Variants in WDR49 observed in about 807,000 individuals in gnomAD.
WDR49 encodes cilia- and flagella-associated protein 337.
Under a neutral mutation model 119.5 loss-of-function variants are expected in WDR49, and 107 were observed. That is an observed-to-expected ratio of 0.90 (90% CI 0.77 to 1.05). The LOEUF (loss-of-function observed/expected upper bound fraction) is 1.05. WDR49 is among the 50% of genes least tolerant of loss of function. WDR49 has a pLI of 0.00. For synonymous variants in WDR49, 425 were observed against 418.8 expected, an observed-to-expected ratio of 1.01 and a Z score of -0.18; for missense variants, 1,240 against 1,220.5, an observed-to-expected ratio of 1.02 and a Z score of -0.24.
chr3:167,630,658 A>G (rs529697919), intron 2 of WDR49, among the ~76,000 whole-genome samples: 1 of 152,218 alleles, frequency 6.6e-6, no homozygotes, highest in Non-Finnish European at 1.5e-5. Flanking sequence ...GCCACATGCA[A>G]TTGATTCTTG....
At chr3:167,614,604 A>T (rs1164479469) in intron 5 of WDR49, among the ~76,000 whole-genome samples, 2 of 152,258 alleles carry the variant, frequency 1.3e-5, no homozygotes, top group Non-Finnish European at 2.9e-5. Context: ...AACCACTCAG[A>T]GAAGATGAAA....
chr3:167,632,941 A>T (rs1332913919), intron 2 of WDR49, among the ~76,000 whole-genome samples: 1 of 152,060 alleles, frequency 6.6e-6, no homozygotes, highest in Non-Finnish European at 1.5e-5. Flanking sequence ...TTTAATGTAC[A>T]TATGGCACAT....
chr3:167,575,852 T>C, intron 8 of WDR49, 66 bp downstream of exon 8: 1 of 1,508,670 alleles, frequency 6.6e-7, no homozygotes, highest in Non-Finnish European at 9.1e-7. Flanking sequence ...TTAAACTGAA[T>C]TAAGTAAATG....
chr3:167,517,557 C>T (rs980741266), intron 16 of WDR49, among the ~76,000 whole-genome samples: 2 of 151,982 alleles, frequency 1.3e-5, no homozygotes, highest in African/African-American at 4.8e-5. Flanking sequence ...AAACCCAAAG[C>T]TATAAAAACC....
Position 167,576,041 on chromosome 3 carries a change from T to C in WDR49, c.1386A>G (p.Gly462=), listed in dbSNP as rs1490881597. The C allele has an allele frequency of 6.2e-7, 1 of 1,614,050 alleles. No individual in the cohort carries two copies. The highest frequency in any genetic ancestry group is 1.3e-5 in the African/African-American group (1 of 74,938). ...GGTTATTAAACGAGATGAAAAGTCGTCCATGGGCTTCATCAAAGTGGAAGA... is the reference window on the plus strand; with the variant it reads ...GGTTATTAAACGAGATGAAAAGTCGCCCATGGGCTTCATCAAAGTGGAAGA... ...RCLFHFDEAH[G]RLFISFNNQL... is the part of the protein sequence containing the mutation. The change falls in exon 8 of 19, where the codon GGA becomes GGG. Residue 462 remains glycine, a synonymous_variant. Coordinates refer to ENST00000682715, the MANE Select transcript of WDR49 (RefSeq NM_001366157.1).
Position 167,560,233 on chromosome 3 carries a change from G to A in WDR49, c.1510-5C>T, listed in dbSNP as rs770156695. The A allele has an allele frequency of 3.1e-6, 5 of 1,607,942 alleles. No individual in the cohort carries two copies. In the South Asian group the frequency reaches 5.5e-5, roughly 18 times the overall value. On this transcript the variant is annotated splice_polypyrimidine_tract_variant and splice_region_variant and intron_variant, in intron 8 of 18. Coordinates refer to ENST00000682715, the MANE Select transcript of WDR49 (RefSeq NM_001366157.1). ...CCCTGTATCAGAGCTGATTACCTAA[G>A]AGAAAATAACATTTTAAAGAAATTA...
chr3:167,549,734 T>C (rs1712435832), intron 10 of WDR49, among the ~76,000 whole-genome samples: 1 of 152,176 alleles, frequency 6.6e-6, no homozygotes, highest in African/African-American at 2.4e-5. Flanking sequence ...TTTGTTGCCA[T>C]TGCTTTTGGT....
intron 8 of WDR49, among the ~76,000 whole-genome samples, chr3:167,566,190 A>T (rs1470123837): frequency 6.6e-6 from 1 of 152,216 alleles, no homozygotes; most frequent in Non-Finnish European, 1.5e-5. Flanking sequence ...AATATTCGTC[A>T]AGATTACAGA....
At chr3:167,566,829 C>A in intron 8 of WDR49, 1 of 654,568 alleles carries the variant, frequency 1.5e-6, no homozygotes, top group Non-Finnish European at 2.8e-6. Flanking sequence ...AATATACTTA[C>A]TATTTATTGA....
At chr3:167,557,039 A>C (rs1159812211) in intron 9 of WDR49, among the ~76,000 whole-genome samples, 2 of 151,828 alleles carry the variant, frequency 1.3e-5, no homozygotes, top group Admixed American at 1.3e-4. Context: ...AAACAAACAA[A>C]CAAAAAAATT....
At chr3:167,578,068 C>T (rs1430579006) in intron 7 of WDR49, among the ~76,000 whole-genome samples, 2 of 152,092 alleles carry the variant, frequency 1.3e-5, no homozygotes, top group South Asian at 2.1e-4. Flanking sequence ...TTCATTCTAT[C>T]CTACCTTCTT....
At chr3:167,524,435 T>C (rs774869020) in intron 15 of WDR49, among the ~76,000 whole-genome samples, 46 of 152,308 alleles carry the variant, frequency 3.0e-4, no homozygotes, top group South Asian at 6.2e-4. Flanking sequence ...CAACTTCAGC[T>C]TTTGCTGCAA....
At chr3:167,615,458 A>AG (rs1396580456) in intron 5 of WDR49, among the ~76,000 whole-genome samples, 4 of 151,814 alleles carry the variant, frequency 2.6e-5, no homozygotes, top group African/African-American at 9.7e-5. Flanking sequence ...AAAAAAAAAA[A>AG]AAAAGAAAGA....
intron 9 of WDR49, among the ~76,000 whole-genome samples, chr3:167,556,219 G>A (rs566185119): frequency 3.9e-5 from 6 of 152,114 alleles, no homozygotes; most frequent in Non-Finnish European, 5.9e-5. Flanking sequence ...TGAAGAAAAC[G>A]ATTTTGGAAT....
rs552671548 is a variant in WDR49 at position 167,536,732 on chromosome 3, T to C, written c.1954+138A>G. 1.9e-3 allele frequency: 374 copies of C among 201,148 alleles called. 3 individuals are homozygous for C. The highest frequency in any genetic ancestry group is 6.3e-3 in the East Asian group (47 of 7,438). 12.5% of individuals were successfully genotyped at this position (201,148 alleles called of 1,614,324 possible). On this transcript the variant is annotated intron_variant, in intron 11 of 18. Coordinates refer to ENST00000682715, the MANE Select transcript of WDR49 (RefSeq NM_001366157.1). ...ACACACATATATATATATATATATATACACACACACACACATACATATACA... is the reference window on the plus strand; with the variant it reads ...ACACACATATATATATATATATATACACACACACACACACATACATATACA...
rs755860119 is a variant in WDR49 at position 167,602,102 on chromosome 3, T to G, written c.1275+25A>C. 5.2e-6 allele frequency: 8 copies of G among 1,545,846 alleles called. No individual in the cohort carries two copies. The African/African-American group carries it at 8.1e-5, about 16-fold the overall frequency. ...AGGAATCGGGGAAGCAAAACTAAAT[T>G]AATTAAAAGCACAATGTTACTTACT... On this transcript the variant is annotated intron_variant, in intron 7 of 18. Coordinates refer to ENST00000682715, the MANE Select transcript of WDR49 (RefSeq NM_001366157.1).
intron 18 of WDR49, among the ~76,000 whole-genome samples, chr3:167,485,250 C>T (rs1413741181): frequency 6.6e-6 from 1 of 151,762 alleles, no homozygotes; most frequent in African/African-American, 2.4e-5. Context: ...GCATGTGGGG[C>T]TTAAAACATA....
chr3:167,568,611 C>A (rs965393971), intron 8 of WDR49, among the ~76,000 whole-genome samples: 1 of 152,144 alleles, frequency 6.6e-6, no homozygotes, highest in African/African-American at 2.4e-5. Flanking sequence ...AGACCTCAAC[C>A]TATGGTACAT....
At chr3:167,624,962 A>G (rs1448430401) in intron 3 of WDR49, among the ~76,000 whole-genome samples, 1 of 152,082 alleles carries the variant, frequency 6.6e-6, no homozygotes, top group East Asian at 1.9e-4. Flanking sequence ...AACCCTGATT[A>G]CATCCTGGGT....
Sources: gnomAD v4.1 joint callset for allele counts (sites outside exome capture counted in the v4.1 genomes callset) on GRCh38, gnomAD v4.1.1 for gene constraint, MANE v1.5 for transcripts, NCBI Gene and HGNC (gene_info 2026-07-23, HGNC 2026-07-21) for gene names.